The following NEK6 variants were observed in gnomAD, a reference collection of about 807,000 sequenced individuals.
NEK6 encodes the protein NIMA related kinase 6.
NEK6 carries 27 observed loss-of-function variants against 43.5 expected under a neutral mutation model. The observed-to-expected ratio is 0.62, with a 90% CI of 0.46 to 0.86. The LOEUF is 0.86. Among genes scored for constraint, NEK6 ranks in the 40% least tolerant of loss-of-function variants. The pLI, the probability that NEK6 is intolerant of heterozygous loss-of-function variation, is 0.00. For missense variants in NEK6, 318 were observed against 414.4 expected, an observed-to-expected ratio of 0.77 and a Z score of 2.02; for synonymous variants, 167 against 164.1, an observed-to-expected ratio of 1.02 and a Z score of -0.14.
At chr9:124,320,790 T>G (rs574493383) in intron 4 of NEK6, among the ~76,000 whole-genome samples, 1 of 152,190 alleles carries the variant, frequency 6.6e-6, no homozygotes, top group South Asian at 2.1e-4. Flanking sequence ...CTCCAGGGAT[T>G]TTTTTCAACA....
chr9:124,280,793 T>C (rs1287153430), intron 1 of NEK6, among the ~76,000 whole-genome samples: 1 of 152,184 alleles, frequency 6.6e-6, no homozygotes. Context: ...TTTTTTCTCT[T>C]CATTTTTTTC....
intron 1 of NEK6, among the ~76,000 whole-genome samples, chr9:124,298,023 A>G (rs1394455005): frequency 6.6e-6 from 1 of 152,222 alleles, no homozygotes; most frequent in African/African-American, 2.4e-5. Flanking sequence ...CCTTGGAACA[A>G]AGAGGGAGTT....
At chr9:124,304,732 G>A (rs926168944) in intron 2 of NEK6, among the ~76,000 whole-genome samples, 3 of 152,198 alleles carry the variant, frequency 2.0e-5, no homozygotes, top group Non-Finnish European at 2.9e-5. Context: ...AAGGCTAGTG[G>A]CTTGTTCATT....
intron 1 of NEK6, among the ~76,000 whole-genome samples, chr9:124,291,408 C>T (rs1474475525): frequency 6.6e-6 from 1 of 152,190 alleles, no homozygotes; most frequent in East Asian, 1.9e-4. Flanking sequence ...CAGCAGATCA[C>T]CTGAGGTTAG....
At chr9:124,299,527 C>T (rs1352722875) in intron 1 of NEK6, among the ~76,000 whole-genome samples, 2 of 152,190 alleles carry the variant, frequency 1.3e-5, no homozygotes, top group African/African-American at 4.8e-5. Flanking sequence ...TGGGATGTCA[C>T]CTGCGCTCCA....
intron 3 of NEK6, among the ~76,000 whole-genome samples, chr9:124,313,059 G>A (rs1337011967): frequency 2.0e-5 from 3 of 152,190 alleles, no homozygotes; most frequent in Non-Finnish European, 4.4e-5. Context: ...TGGGCTTCCT[G>A]CCTTCTGCGT....
intron 5 of NEK6, among the ~76,000 whole-genome samples, chr9:124,325,464 C>T (rs888127554): frequency 6.6e-6 from 1 of 152,224 alleles, no homozygotes; most frequent in Admixed American, 6.5e-5. Flanking sequence ...CCCACAGCGC[C>T]GCCTCTGCCT....
chr9:124,336,356 C>T (rs1162707723), intron 7 of NEK6, among the ~76,000 whole-genome samples: 5 of 152,176 alleles, frequency 3.3e-5, no homozygotes, highest in Non-Finnish European at 7.3e-5. Flanking sequence ...CTCAATCATG[C>T]CAAGCTGTCT....
intron 2 of NEK6, among the ~76,000 whole-genome samples, chr9:124,307,853 C>T (rs1833334603): frequency 6.6e-6 from 1 of 152,194 alleles, no homozygotes; most frequent in Admixed American, 6.5e-5. Context: ...CCCAAGGTTA[C>T]CGCCAGCCGC....
chr9:124,295,775 C>T (rs934687979), intron 1 of NEK6, among the ~76,000 whole-genome samples: 2 of 152,168 alleles, frequency 1.3e-5, no homozygotes, highest in African/African-American at 2.4e-5. Context: ...TGTGCCTGGG[C>T]GTGGCATTCC....
Position 124,301,916 on chromosome 9 carries a change from G to T in NEK6, c.-29-20G>T. On this transcript the variant is annotated intron_variant, in intron 1 of 9. Transcript: ENST00000320246. ...AGGGTCTCAAAGAGAAAGTGAACAG[G>T]CCGCTGTTTTCTGTTGCAGTTCGTG... is the stretch of plus-strand genomic sequence containing the variant. 2 of 1,545,170 alleles carry T rather than the reference G, an allele frequency of 1.3e-6. No individual in the cohort carries two copies. The highest frequency in any genetic ancestry group is 2.4e-5 in the East Asian group (1 of 41,290).
chr9:124,301,802 TG>T, intron 1 of NEK6, 133 bp from the exon 2 acceptor site: 1 of 713,126 alleles, frequency 1.4e-6, no homozygotes, highest in Non-Finnish European at 2.5e-6. Context: ...ACTTCGGAGC[TG>T]GGTGACCGTG....
At chr9:124,345,208 G>GT (rs1829854854) in intron 8 of NEK6, among the ~76,000 whole-genome samples, 1 of 152,214 alleles carries the variant, frequency 6.6e-6, no homozygotes. Flanking sequence ...GCCCCAGACA[G>GT]TGAGTCCTCT....
chr9:124,266,170 T>C (rs1201695757), intron 1 of NEK6, among the ~76,000 whole-genome samples: 1 of 152,060 alleles, frequency 6.6e-6, no homozygotes. Context: ...GGTGGGGCTG[T>C]GGAACTTCCT....
At chr9:124,257,856 C>G (rs1830865624), upstream of NEK6, 2 of 1,086,058 alleles carry the variant, frequency 1.8e-6, no homozygotes, top group Non-Finnish European at 2.3e-6. Flanking sequence ...CCCCGCCCCT[C>G]AAGCTTGCGT....
At chr9:124,277,034 AATGACGG>A (rs1177432753) in intron 1 of NEK6, among the ~76,000 whole-genome samples, 1 of 152,072 alleles carries the variant, frequency 6.6e-6, no homozygotes, top group Non-Finnish European at 1.5e-5. Context: ...GCGTGTGGAA[AATGACGG>A]TGCTAAGGCT....
chr9:124,292,678 C>T (rs532570010), intron 1 of NEK6: 4 of 1,261,758 alleles, frequency 3.2e-6, no homozygotes, highest in East Asian at 5.1e-5. Flanking sequence ...AGCCTCTCCC[C>T]AGTGGTCCCC....
intron 8 of NEK6, among the ~76,000 whole-genome samples, chr9:124,340,103 C>G (rs1252458768): frequency 2.9e-5 from 2 of 69,904 alleles, no homozygotes; most frequent in Non-Finnish European, 6.3e-5. Context: ...AGGTGGCCAC[C>G]CCCTCCAGGC....
chr9:124,263,377 C>T (rs1012210912), intron 1 of NEK6, among the ~76,000 whole-genome samples: 1 of 152,168 alleles, frequency 6.6e-6, no homozygotes, highest in Non-Finnish European at 1.5e-5. Context: ...CCTGGGCACC[C>T]GATGGAGTGA....
Sources: allele counts gnomAD v4.1 joint callset (sites outside exome capture counted in the v4.1 genomes callset), GRCh38; gene constraint gnomAD v4.1.1; transcripts MANE v1.5; gene names NCBI Gene and HGNC (gene_info 2026-07-23, HGNC 2026-07-21).